MROH7: variants seen among roughly 807,000 people sequenced by gnomAD.
The protein encoded by MROH7 is maestro heat like repeat family member 7, also known as maestro heat-like repeat-containing protein family member 7.
A neutral mutation model predicts 129.2 loss-of-function variants in MROH7; 113 were observed. That is an observed-to-expected ratio of 0.87 (90% CI 0.75 to 1.02). The LOEUF is 1.02. Among genes scored for constraint, MROH7 ranks in the 50% least tolerant of loss-of-function variants. MROH7 has a pLI of 0.00. For synonymous variants in MROH7, 655 were observed against 667.9 expected (o/e 0.98, Z 0.30); for missense variants, 1,601 against 1,671.3 (o/e 0.96, Z 0.73).
At chr1:54,642,849 A>G (rs532178507) in intron 1 of MROH7, among the ~76,000 whole-genome samples, 2 of 152,322 alleles carry the variant, frequency 1.3e-5, no homozygotes, top group East Asian at 3.9e-4. Flanking sequence ...TCCTGAGCTC[A>G]AGGAATCCTC....
At chr1:54,669,043 G>A (rs1412494528) in intron 5 of MROH7, 106 bp downstream of exon 5, 3 of 781,234 alleles carry the variant, frequency 3.8e-6, no homozygotes, top group South Asian at 3.3e-5. Context: ...GGTAGGAAGA[G>A]GACGGGATGA....
intron 10 of MROH7, among the ~76,000 whole-genome samples, chr1:54,676,717 C>CT (rs535453932): frequency 2.3e-3 from 314 of 134,102 alleles, no homozygotes; most frequent in Middle Eastern, 0.01. Flanking sequence ...TTTTTCTTTT[C>CT]TTTTTTTTTT....
intron 15 of MROH7, among the ~76,000 whole-genome samples, chr1:54,691,294 T>C (rs995535088): frequency 2.0e-5 from 3 of 152,174 alleles, no homozygotes; most frequent in African/African-American, 7.2e-5. Flanking sequence ...CACTGGATCA[T>C]TACAAAAGCA....
At chr1:54,699,870 G>A (rs995830583) in intron 17 of MROH7, 1 of 527,768 alleles carries the variant, frequency 1.9e-6, no homozygotes, top group Admixed American at 3.6e-5. Flanking sequence ...CTAGCTTTAA[G>A]GCTCTGAGTT....
In MROH7 at chr1:54,710,083, A is replaced by G. The variant is rs1557736178; in HGVS notation, c.3868A>G (p.Thr1290Ala). The G allele has an allele frequency of 6.2e-7, 1 of 1,613,952 alleles. No homozygotes were observed. ...GNSWVCYSATTHRWSPSCENL... is the reference protein window; with the variant it reads ...GNSWVCYSATAHRWSPSCENL... Reference sequence around the variant, plus strand: ...CTCATGGGTGTGTTACTCAGCCACCACCCACCGCTGGAGCCCCAGCTGTGA... The same window carrying G: ...CTCATGGGTGTGTTACTCAGCCACCGCCCACCGCTGGAGCCCCAGCTGTGA... Residue 1290 changes from threonine (T) to alanine (A), a missense_variant, in exon 24 of 24, where the codon ACC (threonine) becomes GCC (alanine). By Grantham distance (58) the Thr-to-Ala change is moderately conservative. Coordinates refer to ENST00000421030, the MANE Select transcript of MROH7 (RefSeq NM_001039464.4).
At chr1:54,646,483 A>T (rs1644469351) in intron 1 of MROH7, among the ~76,000 whole-genome samples, 1 of 152,240 alleles carries the variant, frequency 6.6e-6, no homozygotes. Context: ...CCATAGTGTC[A>T]GCCTTCAAGT....
chr1:54,688,049 G>A (rs1437109498), intron 15 of MROH7, among the ~76,000 whole-genome samples: 3 of 150,808 alleles, frequency 2.0e-5, no homozygotes, highest in East Asian at 2.0e-4. Context: ...GTGAAACCCC[G>A]TCTCTACTAA....
intron 15 of MROH7, among the ~76,000 whole-genome samples, chr1:54,692,209 C>G (rs1645251209): frequency 6.6e-6 from 1 of 152,192 alleles, no homozygotes; most frequent in Non-Finnish European, 1.5e-5. Flanking sequence ...GCACAGCCTT[C>G]ATAGGGAGGT....
intron 1 of MROH7, among the ~76,000 whole-genome samples, chr1:54,647,772 G>A (rs1350106696): frequency 2.6e-5 from 4 of 151,682 alleles, no homozygotes; most frequent in Non-Finnish European, 4.4e-5. Context: ...GGGTTTGGTG[G>A]TGGGCACCTG....
intron 18 of MROH7, among the ~76,000 whole-genome samples, 154 bp from the exon 19 acceptor site, chr1:54,700,989 G>A (rs2101216429): frequency 6.6e-6 from 1 of 152,394 alleles, no homozygotes; most frequent in African/African-American, 2.4e-5. Flanking sequence ...GCAAGAGGTT[G>A]GGTGAGGGTA....
At chr1:54,687,358 A>G (rs1049164466) in intron 15 of MROH7, among the ~76,000 whole-genome samples, 1 of 152,216 alleles carries the variant, frequency 6.6e-6, no homozygotes, top group African/African-American at 2.4e-5. Context: ...TATAGGCGTG[A>G]GCCACTGCAC....
intron 6 of MROH7, 90 bp downstream of exon 6, chr1:54,670,666 A>AAACCCC: frequency 2.3e-6 from 1 of 426,318 alleles, no homozygotes; most frequent in Non-Finnish European, 3.6e-6. Context: ...ACCCTCCCCC[A>AAACCCC]ACCCGCCCCC....
At chr1:54,695,011 C>T (rs1279061384) in intron 16 of MROH7, among the ~76,000 whole-genome samples, 1 of 152,172 alleles carries the variant, frequency 6.6e-6, no homozygotes, top group Non-Finnish European at 1.5e-5. Context: ...GATGGAGTAA[C>T]AATGTGAAAG....
Position 54,700,473 on chromosome 1 carries a change from G to C in MROH7, c.3105+12G>C, listed in dbSNP as rs969005253. The C allele has an allele frequency of 4.5e-6, 7 of 1,566,848 alleles. No homozygotes were observed. Among genetic ancestry groups the C allele is most frequent in the African/African-American group, 1.4e-5 (1 of 73,884 alleles). ...GCAGGTCTGAGAAGGTGAGTGGGAGGCAGAGGAAAGCCTGGCCCAGCCAGG... is the reference window on the plus strand; with the variant it reads ...GCAGGTCTGAGAAGGTGAGTGGGAGCCAGAGGAAAGCCTGGCCCAGCCAGG... On this transcript the variant is annotated intron_variant, in intron 18 of 23. Transcript: ENST00000421030.
intron 1 of MROH7, among the ~76,000 whole-genome samples, chr1:54,646,994 A>C (rs1644477011): frequency 6.6e-6 from 1 of 152,260 alleles, no homozygotes; most frequent in Middle Eastern, 3.2e-3. Context: ...TTAGTGGCTG[A>C]ATAATCCACT....
chr1:54,675,705 C>T (rs1569920809), intron 10 of MROH7, among the ~76,000 whole-genome samples: 1 of 151,848 alleles, frequency 6.6e-6, no homozygotes, highest in East Asian at 1.9e-4. Context: ...TCAAGCAATC[C>T]TCCCACCTCA....
chr1:54,657,561 G>C (rs1238869206), intron 3 of MROH7, among the ~76,000 whole-genome samples: 1 of 150,152 alleles, frequency 6.7e-6, no homozygotes, highest in Non-Finnish European at 1.5e-5. Flanking sequence ...ATATCTTGTA[G>C]AGAAGAGACC....
chr1:54,665,356 T>C, intron 4 of MROH7, 116 bp downstream of exon 4: 3 of 694,462 alleles, frequency 4.3e-6, no homozygotes, highest in Non-Finnish European at 7.5e-6. Context: ...AGCTCTCCTT[T>C]TCTCCATAAC....
At chr1:54,701,036 A>C (rs1231793854) in intron 18 of MROH7, 107 bp from the exon 19 acceptor site, 1 of 1,231,310 alleles carries the variant, frequency 8.1e-7, no homozygotes, top group Non-Finnish European at 1.2e-6. Context: ...CAAGGCCTGG[A>C]AGTGGGGATT....
Sources: allele counts gnomAD v4.1 joint callset (sites outside exome capture counted in the v4.1 genomes callset), GRCh38; gene constraint gnomAD v4.1.1; transcripts MANE v1.5; gene names NCBI Gene and HGNC (gene_info 2026-07-23, HGNC 2026-07-21).